Variants in GJB7 observed in about 807,000 individuals in gnomAD.
The protein encoded by GJB7 is gap junction protein beta 7.
For synonymous variants in GJB7, 87 were observed against 95.2 expected (o/e 0.91, Z 0.50); for missense variants, 253 against 256.8 (o/e 0.99, Z 0.10).
Position 87,287,867 on chromosome 6 carries a change from T to C in GJB7, c.-27-2928A>G, listed in dbSNP as rs373979287. Among the ~76,000 whole-genome samples the C allele has an allele frequency of 8.5e-5, 13 of 152,328 alleles. No individual in the cohort carries two copies. In the East Asian group the frequency reaches 1.9e-3, roughly 23 times the overall value. ...AGGATGATGGCATCAAATGTCATAATTATGACTTTTATTTTATAAATGTCC... is the reference window on the plus strand; with the variant it reads ...AGGATGATGGCATCAAATGTCATAACTATGACTTTTATTTTATAAATGTCC... On this transcript the variant is annotated intron_variant, in intron 2 of 2. Transcript: ENST00000525899.
At chr6:87,327,598 C>T (rs1475048505) in intron 1 of GJB7, among the ~76,000 whole-genome samples, 1 of 151,232 alleles carries the variant, frequency 6.6e-6, no homozygotes, top group Admixed American at 6.6e-5. Context: ...TCTCTTCTGG[C>T]TTGTAGAGTT....
chr6:87,317,037 G>C (rs1200741765), intron 2 of GJB7, among the ~76,000 whole-genome samples: 1 of 152,032 alleles, frequency 6.6e-6, no homozygotes, highest in Non-Finnish European at 1.5e-5. Flanking sequence ...TGCTTCCATA[G>C]AATCTTGTGC....
intron 2 of GJB7, among the ~76,000 whole-genome samples, chr6:87,293,063 C>T (rs1776202702): frequency 6.6e-6 from 1 of 152,184 alleles, no homozygotes; most frequent in Non-Finnish European, 1.5e-5. Context: ...GACGGAGTCT[C>T]GCTCTGTTGC....
intron 1 of GJB7, among the ~76,000 whole-genome samples, chr6:87,328,382 T>C (rs1225684590): frequency 1.3e-5 from 2 of 152,088 alleles, no homozygotes; most frequent in Non-Finnish European, 2.9e-5. Flanking sequence ...TCTTTGTGGT[T>C]TTATCTACTT....
At chr6:87,307,774 G>GGTC (rs1263655854) in intron 2 of GJB7, among the ~76,000 whole-genome samples, 7 of 152,166 alleles carry the variant, frequency 4.6e-5, no homozygotes, top group African/African-American at 1.7e-4. Flanking sequence ...TTACACTGTT[G>GGTC]GTGGGTCTGT....
intron 2 of GJB7, among the ~76,000 whole-genome samples, chr6:87,308,770 G>T (rs1776471465): frequency 6.6e-6 from 1 of 151,942 alleles, no homozygotes; most frequent in East Asian, 1.9e-4. Flanking sequence ...TAAGACTACT[G>T]AAAACCAGAG....
intron 2 of GJB7, among the ~76,000 whole-genome samples, chr6:87,317,828 C>A (rs59445510): frequency 0.012 from 1,744 of 150,990 alleles, 36 homozygotes; most frequent in African/African-American, 0.038. Flanking sequence ...ACTGAATGCA[C>A]CAAAAATTTT....
chr6:87,286,447 T>C (rs1776061614), intron 2 of GJB7, among the ~76,000 whole-genome samples: 1 of 152,180 alleles, frequency 6.6e-6, no homozygotes, highest in Non-Finnish European at 1.5e-5. Context: ...GAAATCTCTG[T>C]CACTCCTACA....
At chr6:87,306,693 A>G (rs1352309934) in intron 2 of GJB7, among the ~76,000 whole-genome samples, 4 of 152,178 alleles carry the variant, frequency 2.6e-5, no homozygotes, top group Admixed American at 1.3e-4. Context: ...CCAAAGGACT[A>G]TAAATCATGC....
In GJB7 at chr6:87,284,634, T is replaced by C; in HGVS notation, c.279A>G (p.Leu93=). The change falls in exon 3 of 3, where the codon TTA becomes TTG. Residue 93 remains leucine (L), a synonymous_variant. Coordinates refer to ENST00000525899, the MANE Select transcript of GJB7 (RefSeq NM_198568.3). ...CTCTACCCTCATGATAGGCTACATG[T>C]AAAACCACCAGAAGTGAAGGTGTGG... ...MVSTPSLLVV[L]HVAYHEGREK... 1.2e-6 allele frequency: 2 copies of C among 1,614,142 alleles called. No homozygotes were observed. The highest frequency in any genetic ancestry group is 1.7e-6 in the Non-Finnish European group (2 of 1,180,026).
At chr6:87,285,540 T>C (rs1203661534) in intron 2 of GJB7, among the ~76,000 whole-genome samples, 30 of 152,188 alleles carry the variant, frequency 2.0e-4, no homozygotes. Context: ...CCCTCCAGAC[T>C]GACATATTCA....
rs889143298 is a variant in GJB7, at chr6:87,284,064, A to C, written c.*177T>G. On this transcript the variant is annotated 3_prime_UTR_variant, in exon 3 of 3. Coordinates refer to ENST00000525899, the MANE Select transcript of GJB7 (RefSeq NM_198568.3). ...CTAAGGCTGATGTGCTTTGTCTTCCAACTCAGCTTAGGCCTTGCTGAGGAG... is the reference window on the plus strand; with the variant it reads ...CTAAGGCTGATGTGCTTTGTCTTCCCACTCAGCTTAGGCCTTGCTGAGGAG... 2.0e-5 allele frequency: 12 copies of C among 593,112 alleles called. No homozygotes were observed. Among genetic ancestry groups the C allele is most frequent in the Middle Eastern group, 8.3e-4 (2 of 2,412 alleles). 36.7% of individuals were successfully genotyped at this position (593,112 alleles called of 1,614,324 possible).
intron 2 of GJB7, among the ~76,000 whole-genome samples, chr6:87,304,203 C>CA (rs968124311): frequency 4.2e-4 from 63 of 151,226 alleles, no homozygotes; most frequent in African/African-American, 1.3e-3. Flanking sequence ...GACAGAGACA[C>CA]AAAAAAAACC....
chr6:87,327,197 C>T (rs1433716879), intron 1 of GJB7, among the ~76,000 whole-genome samples: 1 of 149,020 alleles, frequency 6.7e-6, no homozygotes, highest in East Asian at 2.0e-4. Context: ...ATACAGCACA[C>T]TGATGGGTCT....
chr6:87,301,904 T>C (rs1776334332), intron 2 of GJB7, among the ~76,000 whole-genome samples: 1 of 152,224 alleles, frequency 6.6e-6, no homozygotes, highest in Non-Finnish European at 1.5e-5. Context: ...CCGCTGCTGA[T>C]ACCCAGGCAA....
intron 1 of GJB7, among the ~76,000 whole-genome samples, chr6:87,326,927 C>G (rs1212920708): frequency 1.9e-5 from 2 of 107,954 alleles, no homozygotes; most frequent in East Asian, 2.4e-4. Flanking sequence ...TCACTCAGGA[C>G]TTGCTTTATG....
In GJB7 at chr6:87,326,233, AT is replaced by A. The variant is rs1458533280; in HGVS notation, c.-206+2904del. On this transcript the variant is annotated intron_variant, in intron 1 of 2. Coordinates refer to ENST00000525899, the MANE Select transcript of GJB7 (RefSeq NM_198568.3). ...AAAAAACCAGCTCCTGGATTCATTA[AT>A]TTTTTGAAGGGTTTTTAATGTCTCT... Among the ~76,000 whole-genome samples the A allele has an allele frequency of 1.6e-3, 245 of 152,224 alleles. 4 individuals are homozygous for A. Among genetic ancestry groups the A allele is most frequent in the Non-Finnish European group, 3.4e-4 (23 of 68,012 alleles).
intron 2 of GJB7, among the ~76,000 whole-genome samples, chr6:87,309,760 C>G (rs150743487): frequency 3.3e-5 from 5 of 152,282 alleles, no homozygotes; most frequent in Non-Finnish European, 5.9e-5. Flanking sequence ...CATCCACCCT[C>G]TAGAAAGTAT....
intron 1 of GJB7, among the ~76,000 whole-genome samples, chr6:87,328,820 C>T (rs1181148421): frequency 1.3e-5 from 2 of 152,196 alleles, no homozygotes; most frequent in African/African-American, 4.8e-5. Context: ...CCTAAGCAAG[C>T]CTGGGCAATG....
Sources: allele counts gnomAD v4.1 joint callset (sites outside exome capture counted in the v4.1 genomes callset), GRCh38; gene constraint gnomAD v4.1.1; transcripts MANE v1.5; gene names NCBI Gene and HGNC (gene_info 2026-07-23, HGNC 2026-07-21).